MALRD1: variants seen among roughly 807,000 people sequenced by gnomAD.
MALRD1 encodes the protein MAM and LDL receptor class A domain containing 1, also known as MAM and LDL-receptor class A domain-containing protein 1.
A neutral mutation model predicts 242.1 loss-of-function variants in MALRD1; 247 were observed. That is an observed-to-expected ratio of 1.02 (90% CI 0.92 to 1.13). The LOEUF (loss-of-function observed/expected upper bound fraction) is 1.13, where lower values mean the gene tolerates loss of function less well. Among genes scored for constraint, MALRD1 ranks in the 50% most tolerant of loss-of-function variants. The pLI is 0.00. For missense variants in MALRD1, 2,989 were observed against 2,533.1 expected, an observed-to-expected ratio of 1.18 and a Z score of -3.86; for synonymous variants, 995 against 866.6, an observed-to-expected ratio of 1.15 and a Z score of -2.60.
chr10:19,394,518 A>G (rs1286695543), intron 28 of MALRD1, among the ~76,000 whole-genome samples: 1 of 152,212 alleles, frequency 6.6e-6, no homozygotes, highest in Non-Finnish European at 1.5e-5. Flanking sequence ...GACTGTGGTC[A>G]TTCTGGGTCC....
At chr10:19,452,416 A>C (rs1001656665) in intron 29 of MALRD1, among the ~76,000 whole-genome samples, 26 of 152,212 alleles carry the variant, frequency 1.7e-4, no homozygotes, top group Non-Finnish European at 4.4e-5. Flanking sequence ...TTAGTGATCA[A>C]CTGCTTTTAG....
At chr10:19,704,340 A>G (rs980704982) in intron 38 of MALRD1, among the ~76,000 whole-genome samples, 3 of 152,168 alleles carry the variant, frequency 2.0e-5, no homozygotes, top group African/African-American at 7.2e-5. Context: ...TGGCAGATTC[A>G]GTTTCTGGTG....
intron 26 of MALRD1, among the ~76,000 whole-genome samples, chr10:19,379,879 T>C (rs1845761305): frequency 1.3e-5 from 2 of 152,320 alleles, no homozygotes; most frequent in East Asian, 3.9e-4. Flanking sequence ...TACTTCCAAA[T>C]AACCTTGCAG....
At chr10:19,311,548 A>G (rs1046932464) in intron 21 of MALRD1, among the ~76,000 whole-genome samples, 1 of 151,404 alleles carries the variant, frequency 6.6e-6, no homozygotes, top group African/African-American at 2.4e-5. Flanking sequence ...TACTTAATAT[A>G]TTTTTTAAAA....
At chr10:19,423,674 A>G (rs1402225097) in intron 28 of MALRD1, among the ~76,000 whole-genome samples, 2 of 152,080 alleles carry the variant, frequency 1.3e-5, no homozygotes, top group African/African-American at 4.8e-5. Flanking sequence ...GCTTCCAGGA[A>G]TGGGAGAGGA....
At chr10:19,588,510 T>G (rs1235021702) in intron 33 of MALRD1, among the ~76,000 whole-genome samples, 1 of 152,220 alleles carries the variant, frequency 6.6e-6, no homozygotes, top group Admixed American at 6.5e-5. Flanking sequence ...AAGTTGCTGT[T>G]GTAGTGATGC....
intron 21 of MALRD1, among the ~76,000 whole-genome samples, chr10:19,287,119 C>G (rs1042003234): frequency 6.6e-6 from 1 of 152,058 alleles, no homozygotes; most frequent in African/African-American, 2.4e-5. Flanking sequence ...CTGCATGCAT[C>G]TAGTCTAAAA....
intron 28 of MALRD1, among the ~76,000 whole-genome samples, chr10:19,439,736 G>T (rs1049966391): frequency 7.9e-5 from 12 of 151,948 alleles, no homozygotes; most frequent in Admixed American, 1.3e-4. Context: ...TATATAATAT[G>T]TGGACTATTG....
intron 26 of MALRD1, among the ~76,000 whole-genome samples, chr10:19,364,363 T>C (rs1219175990): frequency 6.6e-6 from 1 of 152,130 alleles, no homozygotes; most frequent in Non-Finnish European, 1.5e-5. Context: ...AAAAATATGC[T>C]CCTGTATCAC....
chr10:19,586,361 C>G (rs893182677), intron 33 of MALRD1, among the ~76,000 whole-genome samples: 10 of 152,114 alleles, frequency 6.6e-5, no homozygotes, highest in Non-Finnish European at 1.5e-4. Flanking sequence ...GTGGTTTTAT[C>G]TACTTTTGGT....
intron 21 of MALRD1, among the ~76,000 whole-genome samples, chr10:19,321,352 G>A (rs1026605270): frequency 1.3e-5 from 2 of 152,052 alleles, no homozygotes; most frequent in African/African-American, 4.8e-5. Context: ...TGTTGTACTG[G>A]AGTCAGATTG....
intron 2 of MALRD1, among the ~76,000 whole-genome samples, chr10:19,075,006 T>A (rs1835273625): frequency 6.6e-6 from 1 of 152,006 alleles, no homozygotes; most frequent in Admixed American, 6.6e-5. Flanking sequence ...CTAATGAAAT[T>A]GGTTTGAACA....
At chr10:19,312,034 T>A (rs1842447819) in intron 21 of MALRD1, among the ~76,000 whole-genome samples, 1 of 151,270 alleles carries the variant, frequency 6.6e-6, no homozygotes, top group Admixed American at 6.6e-5. Flanking sequence ...AAATAACCGA[T>A]AAAGGCAGTT....
intron 36 of MALRD1, among the ~76,000 whole-genome samples, chr10:19,672,715 G>C (rs1841980404): frequency 6.6e-6 from 1 of 151,776 alleles, no homozygotes; most frequent in South Asian, 2.1e-4. Context: ...TGAGCCACTG[G>C]AGCCGACCAA....
intron 1 of MALRD1, among the ~76,000 whole-genome samples, chr10:19,060,149 T>G (rs942063900): frequency 6.6e-6 from 1 of 152,114 alleles, no homozygotes; most frequent in East Asian, 1.9e-4. Context: ...GGGCTCTCTT[T>G]TGTGTGTTTG....
intron 19 of MALRD1, among the ~76,000 whole-genome samples, chr10:19,264,389 T>G (rs888059841): frequency 2.6e-5 from 4 of 152,138 alleles, no homozygotes; most frequent in Non-Finnish European, 5.9e-5. Flanking sequence ...GCCTGTAATT[T>G]TCTTTCCTTG....
At chr10:19,602,359 T>C (rs1838398804) in intron 34 of MALRD1, among the ~76,000 whole-genome samples, 2 of 120,946 alleles carry the variant, frequency 1.7e-5, no homozygotes, top group Non-Finnish European at 1.6e-5. Flanking sequence ...CCCCACCCTA[T>C]GACAGGCCCC....
At chr10:19,429,048 A>C (rs1159929447) in intron 28 of MALRD1, among the ~76,000 whole-genome samples, 1 of 152,242 alleles carries the variant, frequency 6.6e-6, no homozygotes, top group African/African-American at 2.4e-5. Flanking sequence ...TTACTGGGCT[A>C]TTACACCTAG....
intron 26 of MALRD1, among the ~76,000 whole-genome samples, chr10:19,371,823 T>G (rs1394708716): frequency 1.3e-5 from 2 of 152,232 alleles, no homozygotes; most frequent in Non-Finnish European, 2.9e-5. Flanking sequence ...AATTTCAGCT[T>G]CATAGCACTA....
Sources: allele counts gnomAD v4.1 joint callset (sites outside exome capture counted in the v4.1 genomes callset), GRCh38; gene constraint gnomAD v4.1.1; transcripts MANE v1.5; gene names NCBI Gene and HGNC (gene_info 2026-07-23, HGNC 2026-07-21).